TMPO: variants seen among roughly 807,000 people sequenced by gnomAD.
The protein encoded by TMPO is thymopoietin.
A neutral mutation model predicts 45.4 loss-of-function variants in TMPO; 22 were observed. That is an observed-to-expected ratio of 0.48 (90% CI 0.35 to 0.69). The LOEUF is 0.69. TMPO is among the 30% of genes least tolerant of loss of function. The pLI is 0.01. For missense variants in TMPO, 512 were observed against 548.8 expected, an observed-to-expected ratio of 0.93 and a Z score of 0.67; for synonymous variants, 241 against 204.1, an observed-to-expected ratio of 1.18 and a Z score of -1.54.
chr12:98,540,281 C>T (rs1565815140), intron 4 of TMPO, among the ~76,000 whole-genome samples: 2 of 152,224 alleles, frequency 1.3e-5, no homozygotes, highest in Admixed American at 1.3e-4. Flanking sequence ...AGAAATTTTT[C>T]ATACCTGTGC....
At chr12:98,518,103 C>T (rs1876020441) in intron 1 of TMPO, among the ~76,000 whole-genome samples, 1 of 151,146 alleles carries the variant, frequency 6.6e-6, no homozygotes, top group Admixed American at 6.6e-5. Context: ...CGAGATCGCG[C>T]CATCGCACTC....
chr12:98,541,177 T>A (rs1268896009), intron 4 of TMPO, among the ~76,000 whole-genome samples: 1 of 152,218 alleles, frequency 6.6e-6, no homozygotes, highest in Non-Finnish European at 1.5e-5. Context: ...CCCAGGCTCA[T>A]GTATACTTCC....
At chr12:98,533,593 G>T (rs2121206556) in intron 3 of TMPO, 1 of 1,614,198 alleles carries the variant, frequency 6.2e-7, no homozygotes. Context: ...AGGTTCCTTT[G>T]TGGCATTTCA....
chr12:98,525,111 A>G (rs531509745), intron 1 of TMPO, among the ~76,000 whole-genome samples: 1 of 152,336 alleles, frequency 6.6e-6, no homozygotes, highest in East Asian at 1.9e-4. Context: ...TGAGTAAGTC[A>G]GTAACATAGG....
intron 3 of TMPO, chr12:98,534,329 G>A: frequency 6.2e-7 from 1 of 1,612,288 alleles, no homozygotes. Flanking sequence ...AAAAAGCGTG[G>A]AAATAAACAC....
intron 7 of TMPO, 64 bp downstream of exon 7, chr12:98,545,125 GT>G: frequency 1.8e-6 from 1 of 542,530 alleles, no homozygotes; most frequent in South Asian, 2.5e-5. Flanking sequence ...ATAAATATTT[GT>G]TTGTTTTTTT....
intron 7 of TMPO, 54 bp from the exon 8 acceptor site, chr12:98,546,305 C>T (rs1592957522): frequency 1.7e-6 from 2 of 1,144,668 alleles, no homozygotes; most frequent in Non-Finnish European, 2.7e-6. Flanking sequence ...TTAATTATTG[C>T]ATGTTTACAC....
chr12:98,520,460 C>G (rs1357657785), intron 1 of TMPO, among the ~76,000 whole-genome samples: 1 of 151,948 alleles, frequency 6.6e-6, no homozygotes, highest in Non-Finnish European at 1.5e-5. Flanking sequence ...GCACACACCA[C>G]TACTCCTGGT....
rs201498123 is a variant in TMPO, at chr12:98,545,133, T to TG, written c.990+72_990+73insG. The TG allele has an allele frequency of 0.021, 23,326 of 1,111,298 alleles. 545 individuals are homozygous for TG. Among genetic ancestry groups the TG allele is most frequent in the African/African-American group, 0.14 (8,587 of 62,072 alleles). 68.8% of individuals were successfully genotyped at this position (1,111,298 alleles called of 1,614,324 possible). A position where few individuals can be genotyped will look rare whatever the true frequency, so the allele number is the denominator to read the frequency against. ...AGGAAATATAAATATTTGTTTGTTT[T>TG]TTTTTTTTTTTTTTGGAGTGGGAGG... On this transcript the variant is annotated intron_variant, in intron 7 of 8. Transcript: ENST00000556029.
Position 98,547,992 on chromosome 12 carries a change from A to G in TMPO, c.*134A>G. ...TCAATAAATGTAGTATTTCATTGAA[A>G]AGCAAACAAAATATATATAAATGGA... is the stretch of plus-strand genomic sequence containing the variant. On this transcript the variant is annotated 3_prime_UTR_variant, in exon 9 of 9. Transcript: ENST00000556029. The G allele has an allele frequency of 9.7e-7, 1 of 1,032,118 alleles. No homozygotes were observed. Among genetic ancestry groups the G allele is most frequent in the Non-Finnish European group, 1.4e-6 (1 of 706,338 alleles). 63.9% of individuals were successfully genotyped at this position (1,032,118 alleles called of 1,614,324 possible).
chr12:98,533,051 G>A lies in TMPO; in HGVS notation c.565+1213G>A, dbSNP rs368211058. ...GTTGCCACAAACTTGCCTGGCAGGG[G>A]ACAGTTGCAGAAGTTAGCCTCTGAA... On this transcript the variant is annotated intron_variant, in intron 3 of 8. Coordinates refer to ENST00000556029, the MANE Select transcript of TMPO (RefSeq NM_001032283.3). The A allele has an allele frequency of 1.5e-4, 248 of 1,613,604 alleles. No individual in the cohort carries two copies. The highest frequency in any genetic ancestry group is 6.5e-4 in the South Asian group (59 of 91,066).
At chr12:98,545,091 T>G in intron 7 of TMPO, 30 bp downstream of exon 7, 20 of 1,274,626 alleles carry the variant, frequency 1.6e-5, no homozygotes, top group Non-Finnish European at 2.2e-5. Flanking sequence ...ATCGATGCTA[T>G]CATTGATCTT....
At chr12:98,531,647 A>G in intron 2 of TMPO, 33 bp from the exon 3 acceptor site, 2 of 1,609,576 alleles carry the variant, frequency 1.2e-6, no homozygotes, top group South Asian at 1.1e-5. Flanking sequence ...ATGAAACAAT[A>G]CAGGTACTAA....
rs545343548 is a variant in TMPO, at chr12:98,521,272, C to T, written c.279+5126C>T. 2.9e-3 allele frequency among the ~76,000 whole-genome samples: 439 copies of T among 151,160 alleles called. 1 individual carries two copies. Among genetic ancestry groups the T allele is most frequent in the African/African-American group, 9.0e-3 (372 of 41,278 alleles). On this transcript the variant is annotated intron_variant, in intron 1 of 8. Transcript: ENST00000556029. ...ACGTGGTGGCACCTGCCACCACCCCCGGCTAATTTTTTTGTATTTTTAGTA... is the reference window on the plus strand; with the variant it reads ...ACGTGGTGGCACCTGCCACCACCCCTGGCTAATTTTTTTGTATTTTTAGTA...
chr12:98,529,480 T>C (rs750115346), intron 2 of TMPO, among the ~76,000 whole-genome samples: 1 of 152,210 alleles, frequency 6.6e-6, no homozygotes, highest in African/African-American at 2.4e-5. Context: ...TGGATTACTT[T>C]TAGGTGATGA....
At chr12:98,533,981 C>T in intron 3 of TMPO, 6 of 1,609,600 alleles carry the variant, frequency 3.7e-6, no homozygotes, top group Non-Finnish European at 5.1e-6. Context: ...GCATATGAAG[C>T]TGCAGCATCA....
At chr12:98,520,540 C>T (rs1005761143) in intron 1 of TMPO, among the ~76,000 whole-genome samples, 6 of 150,494 alleles carry the variant, frequency 4.0e-5, no homozygotes, top group African/African-American at 1.2e-4. Flanking sequence ...CTCCTGACCT[C>T]GTGATCCACC....
intron 4 of TMPO, among the ~76,000 whole-genome samples, chr12:98,539,093 C>T (rs557718727): frequency 1.3e-5 from 2 of 151,922 alleles, no homozygotes; most frequent in Non-Finnish European, 2.9e-5. Context: ...CTAGCTACTC[C>T]GGAGGCTGAG....
intron 7 of TMPO, among the ~76,000 whole-genome samples, chr12:98,545,673 A>G (rs1317287775): frequency 2.0e-5 from 3 of 152,184 alleles, no homozygotes; most frequent in Non-Finnish European, 4.4e-5. Context: ...CTAAAGGTTC[A>G]TGTTAAGTAT....
Sources: allele counts gnomAD v4.1 joint callset (sites outside exome capture counted in the v4.1 genomes callset), GRCh38; gene constraint gnomAD v4.1.1; transcripts MANE v1.5; gene names NCBI Gene and HGNC (gene_info 2026-07-23, HGNC 2026-07-21).